Variants in KLRD1 observed in about 807,000 individuals in gnomAD.
KLRD1 encodes natural killer cells antigen CD94.
In KLRD1, 21 loss-of-function variants were observed where a neutral mutation model predicts 22.6. The ratio of observed to expected loss-of-function variants is 0.93; its 90% CI spans 0.66 to 1.34. The LOEUF (loss-of-function observed/expected upper bound fraction) is 1.34, where lower values mean the gene tolerates loss of function less well. KLRD1 is among the 40% of genes most tolerant of loss of function. The pLI is 0.00. For synonymous variants in KLRD1, 59 were observed against 71.1 expected, an observed-to-expected ratio of 0.83 and a Z score of 0.85; for missense variants, 183 against 208.6, an observed-to-expected ratio of 0.88 and a Z score of 0.76.
intron 3 of KLRD1, among the ~76,000 whole-genome samples, chr12:10,310,619 T>A (rs1206125813): frequency 6.6e-6 from 1 of 152,048 alleles, no homozygotes; most frequent in Non-Finnish European, 1.5e-5. Context: ...ACCCCGTCTG[T>A]ACTAAAAATA....
upstream of KLRD1, among the ~76,000 whole-genome samples, chr12:10,304,933 T>C (rs1371292573): frequency 6.6e-6 from 1 of 152,218 alleles, no homozygotes; most frequent in Non-Finnish European, 1.5e-5. Flanking sequence ...AAGAATAATT[T>C]GCAGCCTGAT....
At chr12:10,257,562 G>T (rs1287724953) in intron 1 of KLRD1, among the ~76,000 whole-genome samples, 1 of 128,144 alleles carries the variant, frequency 7.8e-6, no homozygotes, top group East Asian at 2.3e-4. Context: ...GAATTTGTTT[G>T]ATTTTTATAT....
intron 1 of KLRD1, among the ~76,000 whole-genome samples, chr12:10,265,026 T>A (rs1949486501): frequency 6.6e-6 from 1 of 152,140 alleles, no homozygotes; most frequent in Non-Finnish European, 1.5e-5. Flanking sequence ...ATGGCAAGAT[T>A]TCCTTTTTTT....
In KLRD1 at chr12:10,328,413, T is replaced by C. The variant is rs1371820384; in HGVS notation, c.*13620T>C. The C allele has an allele frequency of 1.3e-5, 2 of 152,116 alleles. No individual in the cohort carries two copies. The highest frequency in any genetic ancestry group is 2.9e-5 in the Non-Finnish European group (2 of 68,002). The allele number at this position is 152,116 out of a possible 1,614,324, so 9.4% of individuals were successfully genotyped here. ...GTCCTTGTCTTTGTGAATTTTTTCA[T>C]TTCTTCTAGGTTATCCAATTTGTTG... On this transcript the variant is annotated 3_prime_UTR_variant, in exon 6 of 6. Transcript: ENST00000336164.
intron 1 of KLRD1, among the ~76,000 whole-genome samples, chr12:10,254,063 C>T (rs193046208): frequency 9.9e-5 from 15 of 152,186 alleles, no homozygotes; most frequent in African/African-American, 3.6e-4. Flanking sequence ...ACACCAAAAG[C>T]AATCGCAACA....
At chr12:10,292,094 C>T (rs1329693911) in intron 1 of KLRD1, among the ~76,000 whole-genome samples, 2 of 152,092 alleles carry the variant, frequency 1.3e-5, no homozygotes, top group Non-Finnish European at 2.9e-5. Context: ...ATAGTGAATG[C>T]GGCCACATCT....
At chr12:10,296,769 G>A (rs1949825910) in intron 1 of KLRD1, among the ~76,000 whole-genome samples, 1 of 152,184 alleles carries the variant, frequency 6.6e-6, no homozygotes, top group Non-Finnish European at 1.5e-5. Context: ...AAGGCCAAGG[G>A]AAACTTACCC....
chr12:10,260,741 C>T (rs1565451477), intron 1 of KLRD1, among the ~76,000 whole-genome samples: 3 of 152,118 alleles, frequency 2.0e-5, no homozygotes, highest in Admixed American at 6.6e-5. Context: ...GAGATCGAGA[C>T]CTTCCTGGCT....
intron 1 of KLRD1, among the ~76,000 whole-genome samples, chr12:10,293,036 T>C (rs964855080): frequency 4.7e-5 from 7 of 149,470 alleles, no homozygotes; most frequent in Non-Finnish European, 7.4e-5. Flanking sequence ...TTTTTTTTTT[T>C]CTGCAGCTTT....
In KLRD1 at chr12:10,239,461, C is replaced by CCTTATT. The variant is rs1386496694; in HGVS notation, c.-101+13231_-101+13232insATTCTT. 7.7e-3 allele frequency among the ~76,000 whole-genome samples: 274 copies of CCTTATT among 35,678 alleles called. 19 individuals carry two copies. The East Asian group carries it at 0.094, about 12-fold the overall frequency. The allele number at this position is 35,678 out of a possible 152,430, so 23.4% of individuals were successfully genotyped here. A position where few individuals can be genotyped will look rare whatever the true frequency, so the allele number is the denominator to read the frequency against. ...TCCTTCCTTCCTTCCTTCCTTCCTT[C>CCTTATT]CTTCCTTCCTTCCTTCCTTCCTTCT... On this transcript the variant is annotated intron_variant, in intron 1 of 5. Coordinates refer to the KLRD1 transcript ENST00000544747.
At chr12:10,271,383 G>A (rs930696780) in intron 1 of KLRD1, among the ~76,000 whole-genome samples, 1 of 152,076 alleles carries the variant, frequency 6.6e-6, no homozygotes, top group African/African-American at 2.4e-5. Flanking sequence ...CGTGGCCATC[G>A]CCGCCTGGTT....
intron 1 of KLRD1, among the ~76,000 whole-genome samples, chr12:10,242,337 C>CAAAACACATT (rs1174261678): frequency 6.6e-6 from 1 of 152,004 alleles, no homozygotes; most frequent in African/African-American, 2.4e-5. Flanking sequence ...CAAATATTAA[C>CAAAACACATT]AAAACACATT....
chr12:10,287,048 A>G (rs954224700), intron 1 of KLRD1, among the ~76,000 whole-genome samples: 1 of 152,158 alleles, frequency 6.6e-6, no homozygotes, highest in African/African-American at 2.4e-5. Flanking sequence ...AGGCAGGAGA[A>G]TCGCTTGAAC....
chr12:10,296,283 G>A (rs1472721137), intron 1 of KLRD1, among the ~76,000 whole-genome samples: 2 of 152,142 alleles, frequency 1.3e-5, no homozygotes, highest in East Asian at 1.9e-4. Context: ...TTGGGAGGCC[G>A]AGGCGGGTGG....
chr12:10,306,825 T>G (rs1277704623), upstream of KLRD1, among the ~76,000 whole-genome samples: 1 of 152,114 alleles, frequency 6.6e-6, no homozygotes, highest in African/African-American at 2.4e-5. Flanking sequence ...AAGTTTTGAC[T>G]TCATAAAAAC....
chr12:10,313,328 A>G, intron 4 of KLRD1, 82 bp from the exon 5 acceptor site: 1 of 743,414 alleles, frequency 1.3e-6, no homozygotes, highest in Non-Finnish European at 2.2e-6. Context: ...ATCTTATTCT[A>G]AACACTGACT....
chr12:10,275,303 AT>A (rs770480661), intron 1 of KLRD1, among the ~76,000 whole-genome samples: 2 of 152,088 alleles, frequency 1.3e-5, no homozygotes, highest in African/African-American at 4.8e-5. Context: ...TTTCTCACTA[AT>A]TTATTCATGG....
At chr12:10,254,792 C>G (rs569120518) in intron 1 of KLRD1, among the ~76,000 whole-genome samples, 16 of 152,014 alleles carry the variant, frequency 1.1e-4, no homozygotes, top group African/African-American at 2.9e-4. Context: ...ACTCTGGAGG[C>G]TGAGGCAGGA....
intron 1 of KLRD1, among the ~76,000 whole-genome samples, chr12:10,263,969 A>G (rs906558033): frequency 7.2e-5 from 11 of 152,128 alleles, no homozygotes; most frequent in Non-Finnish European, 1.3e-4. Context: ...AGTCATGGAC[A>G]TGATCTTAGT....
Sources: allele counts gnomAD v4.1 joint callset (sites outside exome capture counted in the v4.1 genomes callset), GRCh38; gene constraint gnomAD v4.1.1; transcripts MANE v1.5; gene names NCBI Gene and HGNC (gene_info 2026-07-23, HGNC 2026-07-21).